SLC37A2: variants seen among roughly 807,000 people sequenced by gnomAD.
SLC37A2 encodes solute carrier family 37 member 2.
SLC37A2 carries 59 observed loss-of-function variants against 70.7 expected under a neutral mutation model. The observed-to-expected ratio is 0.83, with a 90% confidence interval of 0.68 to 1.04. SLC37A2 has a LOEUF of 1.04. Ranked by LOEUF, SLC37A2 falls within the 50% of genes least tolerant of loss-of-function variation. SLC37A2 has a pLI of 0.00. For synonymous variants in SLC37A2, 257 were observed against 262.1 expected (o/e 0.98, Z 0.19); for missense variants, 580 against 658.1 (o/e 0.88, Z 1.30).
chr11:125,069,785 GC>G (rs1184554090), intron 1 of SLC37A2, among the ~76,000 whole-genome samples: 2 of 152,236 alleles, frequency 1.3e-5, no homozygotes, highest in Non-Finnish European at 2.9e-5. Context: ...AGACATCCAG[GC>G]AAGAGTCAGA....
intron 17 of SLC37A2, 47 bp from the exon 18 acceptor site, chr11:125,088,072 G>T (rs1949242345): frequency 6.5e-7 from 1 of 1,549,934 alleles, no homozygotes; most frequent in African/African-American, 1.4e-5. Context: ...AGGAGCTTAT[G>T]AAGTCATCTC....
rs1949174199 is a variant in SLC37A2 at position 125,083,749 on chromosome 11, A to G, written c.977-66A>G. 7.1e-7 allele frequency: 1 copy of G among 1,407,002 alleles called. No individual in the cohort carries two copies. The highest frequency in any genetic ancestry group is 1.4e-5 in the African/African-American group (1 of 70,884). 87.2% of individuals were successfully genotyped at this position (1,407,002 alleles called of 1,614,324 possible). A position where few individuals can be genotyped will look rare whatever the true frequency, so the allele number is the denominator to read the frequency against. On this transcript the variant is annotated intron_variant, in intron 10 of 17. Coordinates refer to ENST00000403796, the MANE Select transcript of SLC37A2 (RefSeq NM_001145290.2). The surrounding 1 kb of genome is among the most constrained non-coding windows in gnomAD (Gnocchi z 4.6). ...CTGGATCACGCTCTGCAGGGCTTCTAGCTGTGACACTCCAGGATGTTTGCC... is the reference window on the plus strand; with the variant it reads ...CTGGATCACGCTCTGCAGGGCTTCTGGCTGTGACACTCCAGGATGTTTGCC...
intron 1 of SLC37A2, among the ~76,000 whole-genome samples, chr11:125,065,209 A>G (rs184459582): frequency 1.3e-5 from 2 of 152,344 alleles, no homozygotes; most frequent in South Asian, 4.1e-4. Flanking sequence ...ACGGAAATAC[A>G]TTGTTTTTCT....
Position 125,063,639 on chromosome 11 carries a change from C to A in SLC37A2, c.59+213C>A, listed in dbSNP as rs1948953191. On this transcript the variant is annotated intron_variant, in intron 1 of 17. Coordinates refer to ENST00000403796, the MANE Select transcript of SLC37A2 (RefSeq NM_001145290.2). This position sits in a 1 kb window ranked among gnomAD's most constrained non-coding sequence, Gnocchi z 5.4. The stretch of plus-strand genomic sequence containing the variant: ...AACTCCGCCCGCGCTCCCCCAGACC[C>A]CGCGACGCTGGCTCGGTGACACTGG... 6.6e-6 allele frequency among the ~76,000 whole-genome samples: 1 copy of A among 152,222 alleles called. No individual in the cohort carries two copies. The highest frequency in any genetic ancestry group is 1.5e-5 in the Non-Finnish European group (1 of 68,038).
chr11:125,070,452 A>T (rs1432174954), intron 1 of SLC37A2, among the ~76,000 whole-genome samples: 1 of 152,222 alleles, frequency 6.6e-6, no homozygotes, highest in East Asian at 1.9e-4. Context: ...TTAAAGGAAG[A>T]TCGAACTGAG....
chr11:125,067,521 A>C (rs2135558373), intron 1 of SLC37A2, among the ~76,000 whole-genome samples: 1 of 152,356 alleles, frequency 6.6e-6, no homozygotes, highest in Non-Finnish European at 1.5e-5. Flanking sequence ...ATCTCTTCTG[A>C]CTTGACAATT....
chr11:125,089,623 AG>A lies in SLC37A2; in HGVS notation c.*1492del. On this transcript the variant is annotated 3_prime_UTR_variant, in exon 18 of 18. Coordinates refer to ENST00000403796, the MANE Select transcript of SLC37A2 (RefSeq NM_001145290.2). ...CCGGCCCTTCCGGCCCCGGGCAGTG[AG>A]GGACTTGGCACCCGGGCCAGCGGCT... 1 of 153,224 alleles carries A rather than the reference AG, an allele frequency of 6.5e-6. No individual in the cohort carries two copies. Among genetic ancestry groups the A allele is most frequent in the Non-Finnish European group, 1.5e-5 (1 of 68,802 alleles). 9.5% of individuals were successfully genotyped at this position (153,224 alleles called of 1,614,324 possible). A position where few individuals can be genotyped will look rare whatever the true frequency, so the allele number is the denominator to read the frequency against.
In SLC37A2 at chr11:125,085,501, C is replaced by T. The variant is rs761350933; in HGVS notation, c.1327+28C>T. On this transcript the variant is annotated intron_variant, in intron 15 of 17. Transcript: ENST00000403796. ...CTGTGACTCTAGCTCTGTTGTGGGC[C>T]GGCCCCTAGGCATAGTGCCCTCCGG... The T allele has an allele frequency of 3.5e-5, 56 of 1,613,420 alleles. No individual in the cohort carries two copies. The South Asian group carries it at 4.1e-4, about 12-fold the overall frequency.
intron 7 of SLC37A2, 124 bp from the exon 8 acceptor site, chr11:125,081,297 A>T: frequency 1.1e-6 from 1 of 913,844 alleles, no homozygotes; most frequent in South Asian, 1.7e-5. Flanking sequence ...CCACCTTAGG[A>T]GCTGGAGGCG....
At chr11:125,078,879 G>A (rs182394771) in intron 4 of SLC37A2, among the ~76,000 whole-genome samples, 31 of 152,142 alleles carry the variant, frequency 2.0e-4, no homozygotes, top group African/African-American at 4.8e-4. Context: ...GAAAACGCAC[G>A]ACACGAGGGG....
chr11:125,088,265 C>A lies in SLC37A2; in HGVS notation c.*131C>A, dbSNP rs1949245259. On this transcript the variant is annotated 3_prime_UTR_variant, in exon 18 of 18. Transcript: ENST00000403796. ...TTATTGAACATTAGCCAGCCCAGCC[C>A]AGACCCCAGGGCTGCCTAAGGACAC... 1.0e-5 allele frequency: 11 copies of A among 1,068,452 alleles called. No homozygotes were observed. In the East Asian group the frequency reaches 2.9e-4, roughly 28 times the overall value. The allele number at this position is 1,068,452 out of a possible 1,614,324, so 66.2% of individuals were successfully genotyped here. A position where few individuals can be genotyped will look rare whatever the true frequency, so the allele number is the denominator to read the frequency against.
At chr11:125,073,003 A>T (rs1193518601) in intron 1 of SLC37A2, among the ~76,000 whole-genome samples, 2 of 152,124 alleles carry the variant, frequency 1.3e-5, no homozygotes, top group African/African-American at 4.8e-5. Context: ...CTCAAGACTC[A>T]TGACTCTCCT....
Position 125,085,655 on chromosome 11 carries a change from CCGA to C in SLC37A2, c.1409_1411del (p.Asp470del), listed in dbSNP as rs767725935. ...AATGTCTTCTACATGCTCATCTCTG[CCGA>C]CGTCCTAGCCTGCTTGGTAAGAGTC... On this transcript the variant is annotated inframe_deletion, in exon 16 of 18. Transcript: ENST00000403796. The C allele has an allele frequency of 6.2e-7, 1 of 1,613,318 alleles. No homozygotes were observed. The highest frequency in any genetic ancestry group is 1.3e-5 in the African/African-American group (1 of 75,014).
chr11:125,084,695 G>T, intron 12 of SLC37A2, 130 bp from the exon 13 acceptor site: 1 of 955,684 alleles, frequency 1.0e-6, no homozygotes. Context: ...AGAGAAATCT[G>T]CATAGGCAGG....
chr11:125,079,498 G>A (rs941168013), intron 5 of SLC37A2, among the ~76,000 whole-genome samples, 186 bp from the exon 6 acceptor site: 36 of 152,296 alleles, frequency 2.4e-4, no homozygotes, highest in African/African-American at 7.5e-4. Context: ...AATCTTGAGC[G>A]AGAGAAGCCA....
chr11:125,075,650 C>T (rs7943255), intron 1 of SLC37A2, among the ~76,000 whole-genome samples: 22,260 of 152,216 alleles, frequency 0.15, 2,873 homozygotes, highest in African/African-American at 0.35. Context: ...GAAGGAGCCT[C>T]GTAGCCCAAG....
Position 125,089,124 on chromosome 11 carries a change from G to A in SLC37A2, c.*990G>A, listed in dbSNP as rs1261038072. The A allele has an allele frequency of 1.3e-5, 2 of 152,294 alleles. No homozygotes were observed. The highest frequency in any genetic ancestry group is 3.8e-4 in the East Asian group (2 of 5,196). 9.4% of individuals were successfully genotyped at this position (152,294 alleles called of 1,614,324 possible). A position where few individuals can be genotyped will look rare whatever the true frequency, so the allele number is the denominator to read the frequency against. ...GCTGCTCCCTTTTCCACTTTTCTAT[G>A]TCCTCCTTCCACCCCAAGTCCCGGA... On this transcript the variant is annotated 3_prime_UTR_variant, in exon 18 of 18. Transcript: ENST00000403796.
intron 1 of SLC37A2, among the ~76,000 whole-genome samples, chr11:125,068,041 C>T (rs1249793078): frequency 6.6e-6 from 1 of 152,180 alleles, no homozygotes; most frequent in Non-Finnish European, 1.5e-5. Flanking sequence ...TATAAACCAT[C>T]TAGAACACAT....
chr11:125,063,547 C>G lies in SLC37A2; in HGVS notation c.59+121C>G, dbSNP rs1052691529. 3 of 895,008 alleles carry G rather than the reference C, an allele frequency of 3.4e-6. No homozygotes were observed. Among genetic ancestry groups the G allele is most frequent in the Non-Finnish European group, 5.0e-6 (3 of 604,192 alleles). The allele number at this position is 895,008 out of a possible 1,614,324, so 55.4% of individuals were successfully genotyped here. A position where few individuals can be genotyped will look rare whatever the true frequency, so the allele number is the denominator to read the frequency against. On this transcript the variant is annotated intron_variant, in intron 1 of 17. Transcript: ENST00000403796. The surrounding 1 kb of genome is among the most constrained non-coding windows in gnomAD (Gnocchi z 5.4). ...CGGCGTCGCCGCGTGGCCAGGGGTGCTGGGGGGACTTGGTCCCGAGCTCCT... is the reference window on the plus strand; with the variant it reads ...CGGCGTCGCCGCGTGGCCAGGGGTGGTGGGGGGACTTGGTCCCGAGCTCCT...
Sources: gnomAD v4.1 joint callset for allele counts (sites outside exome capture counted in the v4.1 genomes callset) on GRCh38, gnomAD v4.1.1 for gene constraint, Gnocchi (gnomAD v3.1) non-coding constraint, MANE v1.5 for transcripts, NCBI Gene and HGNC (gene_info 2026-07-23, HGNC 2026-07-21) for gene names.